INTS3: variants seen among roughly 807,000 people sequenced by gnomAD.
INTS3 encodes SOSS complex subunit A.
Under a neutral mutation model 146.3 loss-of-function variants are expected in INTS3, and 34 were observed. The ratio of observed to expected loss-of-function variants is 0.23; its 90% CI spans 0.18 to 0.31. The LOEUF is 0.31. Ranked by LOEUF, INTS3 falls within the 10% of genes least tolerant of loss-of-function variation. The pLI is 1.00. For synonymous variants in INTS3, 475 were observed against 494.9 expected (o/e 0.96, Z 0.53); for missense variants, 757 against 1,304.2 (o/e 0.58, Z 6.46).
At chr1:153,771,648 G>A (rs1672874395) in intron 25 of INTS3, 148 bp from the exon 26 acceptor site, 1 of 719,544 alleles carries the variant, frequency 1.4e-6, no homozygotes, top group Admixed American at 2.7e-5. Context: ...GATGAAACCA[G>A]GCATTCCTTG....
intron 1 of INTS3, among the ~76,000 whole-genome samples, chr1:153,734,736 C>T (rs758988282): frequency 2.0e-5 from 3 of 152,152 alleles, no homozygotes; most frequent in Non-Finnish European, 2.9e-5. Context: ...ATTCAGGCCC[C>T]TCCCTCTCCC....
intron 1 of INTS3, among the ~76,000 whole-genome samples, chr1:153,733,758 C>T (rs924211869): frequency 6.6e-6 from 1 of 151,818 alleles, no homozygotes; most frequent in Non-Finnish European, 1.5e-5. Context: ...GTGTGCGCCA[C>T]CACACCCGGC....
chr1:153,744,774 T>C (rs886301232), intron 3 of INTS3, among the ~76,000 whole-genome samples: 1 of 152,216 alleles, frequency 6.6e-6, no homozygotes, highest in Non-Finnish European at 1.5e-5. Context: ...GAGTGGCTCA[T>C]GCCTGTAATC....
chr1:153,741,811 A>G (rs376340444), intron 3 of INTS3, among the ~76,000 whole-genome samples: 4 of 152,254 alleles, frequency 2.6e-5, no homozygotes, highest in Admixed American at 1.3e-4. Flanking sequence ...TTAATGTTAC[A>G]TGATTGATGC....
At chr1:153,745,963 G>A (rs1006174813) in intron 3 of INTS3, among the ~76,000 whole-genome samples, 5 of 152,084 alleles carry the variant, frequency 3.3e-5, no homozygotes, top group Admixed American at 1.3e-4. Flanking sequence ...AAATTATCTG[G>A]GCGTGGTGGT....
chr1:153,754,442 G>A (rs1299052727), intron 8 of INTS3, among the ~76,000 whole-genome samples, 200 bp from the exon 9 acceptor site: 1 of 152,144 alleles, frequency 6.6e-6, no homozygotes. Context: ...TGGGTCCTGG[G>A]GATAGTGGTT....
chr1:153,766,120 T>G (rs952432249), intron 20 of INTS3, among the ~76,000 whole-genome samples: 50 of 136,830 alleles, frequency 3.7e-4, no homozygotes, highest in Non-Finnish European at 4.8e-5. Flanking sequence ...TTTCTCTTTT[T>G]TTTTTTTTTT....
chr1:153,770,097 GTGTGTGCTGGT>G, intron 23 of INTS3, 90 bp from the exon 24 acceptor site: 1 of 494,046 alleles, frequency 2.0e-6, no homozygotes, highest in Non-Finnish European at 3.7e-6. Context: ...GTGTGTGTGT[GTGTGTGCTGGT>G]AGTCAGTGGA....
At chr1:153,765,550 G>A (rs973562508) in intron 20 of INTS3, among the ~76,000 whole-genome samples, 3 of 151,654 alleles carry the variant, frequency 2.0e-5, no homozygotes, top group Non-Finnish European at 4.4e-5. Flanking sequence ...TACTCCTAAG[G>A]CTTTTTTTTA....
At chr1:153,764,261 A>T in intron 18 of INTS3, 40 bp downstream of exon 18, 1 of 1,412,688 alleles carries the variant, frequency 7.1e-7, no homozygotes, top group Non-Finnish European at 1.0e-6. Context: ...CTCAGGAGCC[A>T]GAGGGTGCTC....
chr1:153,763,666 C>T (rs781320585), intron 16 of INTS3, among the ~76,000 whole-genome samples, 166 bp from the exon 17 acceptor site: 37 of 152,324 alleles, frequency 2.4e-4, no homozygotes, highest in Non-Finnish European at 4.9e-4. Flanking sequence ...GCCCAGAGAG[C>T]AGCCAATTCT....
At chr1:153,735,355 T>G (rs933907172) in intron 1 of INTS3, among the ~76,000 whole-genome samples, 1 of 152,204 alleles carries the variant, frequency 6.6e-6, no homozygotes, top group Admixed American at 6.5e-5. Flanking sequence ...TACAGCAACC[T>G]TGTGATAGAG....
At chr1:153,746,006 G>A (rs978429403) in intron 3 of INTS3, among the ~76,000 whole-genome samples, 3 of 152,142 alleles carry the variant, frequency 2.0e-5, no homozygotes, top group South Asian at 2.1e-4. Flanking sequence ...GCAGAAGTTC[G>A]AAGCTGCAAT....
chr1:153,754,199 A>G (rs532433105), intron 8 of INTS3, among the ~76,000 whole-genome samples: 2 of 152,316 alleles, frequency 1.3e-5, no homozygotes, highest in East Asian at 1.9e-4. Flanking sequence ...TGAAAAACCA[A>G]TAATCATGCT....
rs1479646638 is a variant in INTS3 at position 153,746,984 on chromosome 1, C to T, written c.346C>T (p.Arg116Cys). 4.3e-6 allele frequency: 7 copies of T among 1,613,482 alleles called. No homozygotes were observed. Among genetic ancestry groups the T allele is most frequent in the Admixed American group, 1.7e-5 (1 of 59,998 alleles). Reference protein sequence around the residue: ...KCYRDLALVSRDGMNIVLNKI... With the variant: ...KCYRDLALVSCDGMNIVLNKI... The stretch of plus-strand genomic sequence containing the variant: ...TTACCGGGACTTAGCTCTGGTGAGT[C>T]GTGATGGCATGAATATTGTCCTGAA... The change falls in exon 4 of 30, where the codon CGT (arginine) becomes TGT (cysteine). Residue 116 changes from arginine (R) to cysteine (C), a missense_variant. Arg to Cys is a radical substitution (Grantham distance 180). Transcript: ENST00000318967.
In INTS3 at chr1:153,764,954, C is replaced by T; in HGVS notation, c.1981C>T (p.Gln661Ter). The T allele has an allele frequency of 5.0e-6, 8 of 1,614,112 alleles. No individual in the cohort carries two copies. Among genetic ancestry groups the T allele is most frequent in the Non-Finnish European group, 6.8e-6 (8 of 1,179,976 alleles). The change falls in exon 20 of 30, where the codon CAG becomes TAG. Residue 661 changes from glutamine (Q) to a stop codon, truncating the protein, a stop_gained. Coordinates refer to ENST00000318967, the MANE Select transcript of INTS3 (RefSeq NM_023015.5). LOFTEE classifies it high-confidence loss of function. Reference protein sequence around the residue: ...PLYLIFRNLCQMQEDNSSFSL... With the variant: ...PLYLIFRNLC ...ATGCCCCACCTCCAGGAACCTATGT[C>T]AGATGCAGGAAGACAACAGCAGCTT... is the stretch of plus-strand genomic sequence containing the variant.
intron 9 of INTS3, among the ~76,000 whole-genome samples, chr1:153,755,520 A>G (rs1672127619): frequency 6.6e-6 from 1 of 152,106 alleles, no homozygotes; most frequent in African/African-American, 2.4e-5. Flanking sequence ...TCAGCCTCCC[A>G]AAGTGCTGGG....
At chr1:153,746,578 T>C (rs891722785) in intron 3 of INTS3, among the ~76,000 whole-genome samples, 43 of 152,350 alleles carry the variant, frequency 2.8e-4, no homozygotes, top group Non-Finnish European at 5.0e-4. Flanking sequence ...TTTTTTTGTA[T>C]TTTTAGTAGA....
In INTS3 at chr1:153,760,721, C is replaced by T. The variant is rs1570871998; in HGVS notation, c.1318-106C>T. On this transcript the variant is annotated intron_variant, in intron 12 of 29. Coordinates refer to ENST00000318967, the MANE Select transcript of INTS3 (RefSeq NM_023015.5). ...GTCCAGTTCTCTCTGCAGCCATACT[C>T]CCCAGTGTCCCCTGATCAAAACCAA... 5 of 888,252 alleles carry T rather than the reference C, an allele frequency of 5.6e-6. No individual in the cohort carries two copies. In the East Asian group the frequency reaches 1.2e-4, roughly 21 times the overall value. 55.0% of individuals were successfully genotyped at this position (888,252 alleles called of 1,614,324 possible). A position where few individuals can be genotyped will look rare whatever the true frequency, so the allele number is the denominator to read the frequency against.
Sources: allele counts gnomAD v4.1 joint callset (sites outside exome capture counted in the v4.1 genomes callset), GRCh38; gene constraint gnomAD v4.1.1; transcripts MANE v1.5; gene names NCBI Gene and HGNC (gene_info 2026-07-23, HGNC 2026-07-21).